The following OPCML variants were observed in gnomAD, a reference collection of about 807,000 sequenced individuals.
OPCML encodes the protein opioid binding protein/cell adhesion molecule like, also known as opioid-binding protein/cell adhesion molecule.
In OPCML, 13 loss-of-function variants were observed where a neutral mutation model predicts 37.8. That is an observed-to-expected ratio of 0.34 (90% CI 0.22 to 0.55). The LOEUF is 0.55. Among genes scored for constraint, OPCML ranks in the 20% least tolerant of loss-of-function variants. The pLI is 0.91. For synonymous variants in OPCML, 176 were observed against 168.8 expected, an observed-to-expected ratio of 1.04 and a Z score of -0.33; for missense variants, 341 against 435.6, an observed-to-expected ratio of 0.78 and a Z score of 1.93.
In OPCML at chr11:133,072,023, A is replaced by G. The variant is rs574314258; in HGVS notation, c.62-129013T>C. On this transcript the variant is annotated intron_variant, in intron 1 of 7. Transcript: ENST00000524381. Reference sequence around the variant, plus strand: ...GGCCCCGTACCACCAATTGCTCCTAAGTGATTCCCAAAGGATCATCGTGCA... The same window carrying G: ...GGCCCCGTACCACCAATTGCTCCTAGGTGATTCCCAAAGGATCATCGTGCA... 3.3e-5 allele frequency among the ~76,000 whole-genome samples: 5 copies of G among 152,298 alleles called. No homozygotes were observed. The East Asian group carries it at 9.6e-4, about 29-fold the overall frequency.
At chr11:132,759,573 C>T (rs1946187236) in intron 2 of OPCML, among the ~76,000 whole-genome samples, 1 of 152,062 alleles carries the variant, frequency 6.6e-6, no homozygotes, top group Non-Finnish European at 1.5e-5. Context: ...TCTAGATTTT[C>T]TAGTTTATTT....
Position 132,858,805 on chromosome 11 carries a change from C to A in OPCML, c.146+84121G>T, listed in dbSNP as rs79287580. Among the ~76,000 whole-genome samples the A allele has an allele frequency of 5.5e-3, 838 of 152,264 alleles. 9 individuals carry two copies. Among genetic ancestry groups the A allele is most frequent in the African/African-American group, 0.019 (804 of 41,548 alleles). ...TTATGAATAAATCTAAAAGTACGTT[C>A]GCAAACCTAATTCAATGGGTCCTTG... On this transcript the variant is annotated intron_variant, in intron 2 of 7. Transcript: ENST00000524381.
intron 3 of OPCML, among the ~76,000 whole-genome samples, chr11:132,583,754 C>T (rs1441224995): frequency 6.6e-6 from 1 of 152,110 alleles, no homozygotes; most frequent in Non-Finnish European, 1.5e-5. Flanking sequence ...GCTGGGATTA[C>T]AGTCATGCAC....
At chr11:133,522,679 T>C (rs912065974) in intron 1 of OPCML, among the ~76,000 whole-genome samples, 4 of 152,152 alleles carry the variant, frequency 2.6e-5, no homozygotes, top group East Asian at 1.9e-4. Context: ...TGATTTGATA[T>C]GACACGCGAC....
intron 1 of OPCML, among the ~76,000 whole-genome samples, chr11:133,415,484 A>G (rs978905218): frequency 3.3e-5 from 5 of 152,044 alleles, no homozygotes; most frequent in African/African-American, 4.8e-5. Flanking sequence ...TTTTCATGTC[A>G]GGGATTTAGA....
intron 2 of OPCML, among the ~76,000 whole-genome samples, chr11:132,864,755 T>C (rs1207964302): frequency 6.6e-6 from 1 of 152,240 alleles, no homozygotes; most frequent in Non-Finnish European, 1.5e-5. Flanking sequence ...CACTTGAAAG[T>C]GGTTCTCTAC....
intron 1 of OPCML, among the ~76,000 whole-genome samples, chr11:133,247,168 A>G (rs890974268): frequency 6.6e-6 from 1 of 152,212 alleles, no homozygotes; most frequent in Non-Finnish European, 1.5e-5. Flanking sequence ...TATCACGAAG[A>G]ATGAGAAAAG....
In OPCML at chr11:132,716,323, A is replaced by G. The variant is rs953286668; in HGVS notation, c.147-59004T>C. 1.3e-4 allele frequency among the ~76,000 whole-genome samples: 20 copies of G among 152,364 alleles called. No homozygotes were observed. The South Asian group carries it at 3.9e-3, about 30-fold the overall frequency. ...AAGTGACCTGGGCTGCAGCGAAGAT[A>G]GTCCCTGCTAAAAGACTGTGGGAAC... On this transcript the variant is annotated intron_variant, in intron 2 of 7. Coordinates refer to ENST00000524381, the MANE Select transcript of OPCML (RefSeq NM_001012393.5).
At chr11:133,050,494 T>C (rs1008432631) in intron 1 of OPCML, among the ~76,000 whole-genome samples, 2 of 152,126 alleles carry the variant, frequency 1.3e-5, no homozygotes, top group Admixed American at 6.6e-5. Flanking sequence ...CATTACATGC[T>C]GGGGGAGTGG....
At chr11:132,981,898 T>C (rs1946592675) in intron 1 of OPCML, among the ~76,000 whole-genome samples, 1 of 152,188 alleles carries the variant, frequency 6.6e-6, no homozygotes, top group Non-Finnish European at 1.5e-5. Context: ...ATCTCTACAA[T>C]GACCTTGTAA....
intron 2 of OPCML, among the ~76,000 whole-genome samples, chr11:132,775,368 T>C (rs1215530618): frequency 6.6e-6 from 1 of 152,222 alleles, no homozygotes; most frequent in Non-Finnish European, 1.5e-5. Flanking sequence ...ATTTGATGTG[T>C]TGTGATTGCA....
intron 1 of OPCML, among the ~76,000 whole-genome samples, chr11:133,091,144 T>C (rs1226659572): frequency 6.6e-6 from 1 of 152,228 alleles, no homozygotes; most frequent in Non-Finnish European, 1.5e-5. Context: ...CAGGTGCAGC[T>C]TGGGCCACCA....
At chr11:132,753,418 C>T (rs1254036549) in intron 2 of OPCML, among the ~76,000 whole-genome samples, 1 of 152,170 alleles carries the variant, frequency 6.6e-6, no homozygotes, top group Non-Finnish European at 1.5e-5. Flanking sequence ...TAATTGTCTT[C>T]CTTTATTTTG....
intron 3 of OPCML, among the ~76,000 whole-genome samples, chr11:132,603,113 G>T (rs1938037566): frequency 6.6e-6 from 1 of 152,090 alleles, no homozygotes; most frequent in Non-Finnish European, 1.5e-5. Context: ...TCATCTGGGT[G>T]CCTGAGAAAT....
chr11:133,372,145 A>C (rs972458006), intron 1 of OPCML, among the ~76,000 whole-genome samples: 2 of 152,212 alleles, frequency 1.3e-5, no homozygotes, highest in African/African-American at 4.8e-5. Flanking sequence ...GCAACAATGC[A>C]TTGTATATTT....
chr11:132,913,533 A>G (rs1944494168), intron 2 of OPCML, among the ~76,000 whole-genome samples: 1 of 152,170 alleles, frequency 6.6e-6, no homozygotes, highest in African/African-American at 2.4e-5. Context: ...ACTATTGTGT[A>G]AAGCCAGAGA....
At chr11:133,007,305 T>A (rs1298034304) in intron 1 of OPCML, 1 of 985,266 alleles carries the variant, frequency 1.0e-6, no homozygotes, top group African/African-American at 1.7e-5. Flanking sequence ...TACAGCTCCA[T>A]CTATAAATGA....
chr11:132,850,341 C>T (rs1003927905), intron 2 of OPCML, among the ~76,000 whole-genome samples: 5 of 152,116 alleles, frequency 3.3e-5, no homozygotes, highest in African/African-American at 1.2e-4. Flanking sequence ...TAGATCAATC[C>T]CCCTTTGCCC....
chr11:133,126,763 G>C (rs1298047540), intron 1 of OPCML, among the ~76,000 whole-genome samples: 8 of 152,120 alleles, frequency 5.3e-5, no homozygotes, highest in Admixed American at 2.0e-4. Context: ...AGGCTACCCA[G>C]CTACACAAAG....
Sources: gnomAD v4.1 joint callset for allele counts (sites outside exome capture counted in the v4.1 genomes callset) on GRCh38, gnomAD v4.1.1 for gene constraint, MANE v1.5 for transcripts, NCBI Gene and HGNC (gene_info 2026-07-23, HGNC 2026-07-21) for gene names.